The following DSCAM variants were observed in gnomAD, a reference collection of about 807,000 sequenced individuals.
DSCAM encodes DS cell adhesion molecule, also known as cell adhesion molecule DSCAM.
In DSCAM, 47 loss-of-function variants were observed where a neutral mutation model predicts 217.7. The ratio of observed to expected loss-of-function variants is 0.22; its 90% CI spans 0.17 to 0.28. The LOEUF (loss-of-function observed/expected upper bound fraction) is 0.28, where lower values mean the gene tolerates loss of function less well. DSCAM is among the 10% of genes least tolerant of loss of function. The pLI is 1.00. For synonymous variants in DSCAM, 1,056 were observed against 1,015.3 expected, an observed-to-expected ratio of 1.04 and a Z score of -0.76; for missense variants, 2,080 against 2,618.3, an observed-to-expected ratio of 0.79 and a Z score of 4.49.
intron 1 of DSCAM, among the ~76,000 whole-genome samples, chr21:40,720,696 GAAAC>G (rs754473155): frequency 7.9e-5 from 12 of 152,004 alleles, no homozygotes; most frequent in East Asian, 1.9e-4. Context: ...ATGAAAGAAG[GAAAC>G]AAACAAAGTG....
chr21:40,628,071 C>G (rs1446066553), intron 3 of DSCAM, among the ~76,000 whole-genome samples: 1 of 152,086 alleles, frequency 6.6e-6, no homozygotes, highest in Non-Finnish European at 1.5e-5. Flanking sequence ...ATCACACAAC[C>G]CCAGCACAAT....
chr21:40,315,457 A>G (rs2074186062), intron 8 of DSCAM, among the ~76,000 whole-genome samples: 1 of 152,094 alleles, frequency 6.6e-6, no homozygotes, highest in African/African-American at 2.4e-5. Context: ...GTAAAGTATT[A>G]GAATGTCCCT....
chr21:40,498,447 C>A (rs2076136718), intron 3 of DSCAM, among the ~76,000 whole-genome samples: 1 of 151,698 alleles, frequency 6.6e-6, no homozygotes, highest in South Asian at 2.1e-4. Context: ...GTTTTAGAGA[C>A]AACTTCCCTA....
intron 9 of DSCAM, among the ~76,000 whole-genome samples, chr21:40,296,474 A>G (rs60129217): frequency 0.2 from 30,682 of 152,100 alleles, 5,688 homozygotes; most frequent in African/African-American, 0.49. Context: ...TTTTGCTTTT[A>G]ATTGTGTTAT....
rs1444205069 is a variant in DSCAM, at chr21:40,083,994, T to G, written c.4145A>C (p.Gln1382Pro). Residue 1382 changes from glutamine (Q) to proline (P), a missense_variant, in exon 24 of 33, where the codon CAG becomes CCG. Around this residue, in one of 5 missense-constraint regions of DSCAM, gnomAD observed 1,144 missense variants for 1,421.1 expected, o/e 0.81. Coordinates refer to ENST00000400454, the MANE Select transcript of DSCAM (RefSeq NM_001389.5). The stretch of plus-strand genomic sequence containing the variant: ...GGTCTTGGAGACTGTAAGCCGAGGC[T>G]GATCTGGTGGAACTGGAGAGGAAAC... ...LNLQVQVPPD[Q>P]PRLTVSKTTS... The G allele has an allele frequency of 6.2e-7, 1 of 1,612,890 alleles. No homozygotes were observed. Among genetic ancestry groups the G allele is most frequent in the Admixed American group, 1.7e-5 (1 of 59,644 alleles).
chr21:40,671,971 C>T lies in DSCAM; in HGVS notation c.508+20839G>A, dbSNP rs141264092. Among the ~76,000 whole-genome samples the T allele has an allele frequency of 5.6e-3, 853 of 152,118 alleles. 11 individuals are homozygous for T. Among genetic ancestry groups the T allele is most frequent in the African/African-American group, 0.019 (795 of 41,496 alleles). ...TTTCACAGTTCTGGAGGCCAGAGTC[C>T]GAAATCAAGTTTCCAGCCACTGTGT... On this transcript the variant is annotated intron_variant, in intron 3 of 32. Transcript: ENST00000400454.
chr21:40,358,946 C>T (rs1353888858), intron 4 of DSCAM, among the ~76,000 whole-genome samples: 1 of 151,614 alleles, frequency 6.6e-6, no homozygotes, highest in Non-Finnish European at 1.5e-5. Context: ...TGAAAAGAAA[C>T]AACCCAATCA....
At chr21:40,663,267 T>TGTGG (rs1491586540) in intron 3 of DSCAM, among the ~76,000 whole-genome samples, 2 of 115,896 alleles carry the variant, frequency 1.7e-5, no homozygotes, top group Admixed American at 1.7e-4. Flanking sequence ...AGTGTGTGTG[T>TGTGG]GGGGGGGGTG....
At chr21:40,712,809 C>CAGAGAGAGAGAGAG (rs142528775) in intron 1 of DSCAM, among the ~76,000 whole-genome samples, 2 of 148,946 alleles carry the variant, frequency 1.3e-5, no homozygotes, top group African/African-American at 5.0e-5. Flanking sequence ...GAAGTTGAGA[C>CAGAGAGAGAGAGAG]AGAGAGAGAG....
intron 3 of DSCAM, among the ~76,000 whole-genome samples, chr21:40,411,173 T>TACACAC (rs1491582508): frequency 1.5e-5 from 2 of 134,786 alleles, no homozygotes; most frequent in African/African-American, 3.0e-5. Flanking sequence ...ACAGTAATTA[T>TACACAC]ATACACACAC....
intron 3 of DSCAM, among the ~76,000 whole-genome samples, chr21:40,582,645 A>T (rs557388096): frequency 6.6e-6 from 1 of 152,306 alleles, no homozygotes; most frequent in Non-Finnish European, 1.5e-5. Flanking sequence ...AGTCACTGGG[A>T]TTCTGTACAT....
chr21:40,639,577 A>C (rs1189805941), intron 3 of DSCAM, among the ~76,000 whole-genome samples: 2 of 152,190 alleles, frequency 1.3e-5, no homozygotes, highest in Admixed American at 1.3e-4. Context: ...AATGAGCACA[A>C]GTTTTAGTTA....
At chr21:40,332,517 CAG>C (rs1444097649) in intron 8 of DSCAM, among the ~76,000 whole-genome samples, 5 of 152,162 alleles carry the variant, frequency 3.3e-5, no homozygotes, top group Non-Finnish European at 7.3e-5. Context: ...TTTTATCCAG[CAG>C]CCAATTAACT....
At chr21:40,581,298 C>T (rs1479195567) in intron 3 of DSCAM, among the ~76,000 whole-genome samples, 1 of 152,182 alleles carries the variant, frequency 6.6e-6, no homozygotes, top group Non-Finnish European at 1.5e-5. Flanking sequence ...ATGGGCTGAG[C>T]AGCTGTTTAT....
chr21:40,019,931 TC>T (rs1270527408), intron 32 of DSCAM, among the ~76,000 whole-genome samples: 1 of 152,104 alleles, frequency 6.6e-6, no homozygotes, highest in Non-Finnish European at 1.5e-5. Context: ...CTTCCCCTTC[TC>T]CCTCCTTCTT....
chr21:40,796,077 CAA>C, intron 1 of DSCAM, among the ~76,000 whole-genome samples: 1 of 152,330 alleles, frequency 6.6e-6, no homozygotes, highest in East Asian at 1.9e-4. Flanking sequence ...GTGAAAATAA[CAA>C]GAGTACATAG....
intron 3 of DSCAM, among the ~76,000 whole-genome samples, chr21:40,598,099 C>T (rs1228291127): frequency 6.6e-6 from 1 of 152,206 alleles, no homozygotes; most frequent in Non-Finnish European, 1.5e-5. Flanking sequence ...TTGTCCTGTT[C>T]ATCTTTCCCC....
At chr21:40,673,859 T>G (rs568395735) in intron 3 of DSCAM, among the ~76,000 whole-genome samples, 1 of 152,326 alleles carries the variant, frequency 6.6e-6, no homozygotes, top group East Asian at 1.9e-4. Context: ...GCTGGCACCA[T>G]GCTTCCTCTA....
intron 3 of DSCAM, among the ~76,000 whole-genome samples, chr21:40,428,292 T>C (rs976002668): frequency 2.4e-5 from 3 of 125,758 alleles, no homozygotes; most frequent in Non-Finnish European, 3.4e-5. Flanking sequence ...GTGTGTGTGA[T>C]GGAGTTTTGC....
Sources: allele counts gnomAD v4.1 joint callset (sites outside exome capture counted in the v4.1 genomes callset), GRCh38; gene constraint gnomAD v4.1.1; regional missense constraint gnomAD v4.1.1; transcripts MANE v1.5; gene names NCBI Gene and HGNC (gene_info 2026-07-23, HGNC 2026-07-21).